The following BBS12 variants were observed in gnomAD, a reference collection of about 807,000 sequenced individuals.
BBS12 encodes the protein Bardet-Biedl syndrome 12.
In BBS12, 5 loss-of-function variants were observed where a neutral mutation model predicts 5.6. The observed-to-expected ratio is 0.89, with a 90% CI of 0.46 to 1.86. The LOEUF is 1.86. Among genes scored for constraint, BBS12 ranks in the 40% most tolerant of loss-of-function variants. The probability of loss-of-function intolerance (pLI) is 0.01; values close to 1 mark genes in which losing one functional copy is unlikely to be tolerated. For missense variants in BBS12, 748 were observed against 830.4 expected (o/e 0.90, Z 1.22); for synonymous variants, 308 against 306.8 (o/e 1.00, Z -0.04).
chr4:122,700,641 TA>T, the BBS12 span, among the ~76,000 whole-genome samples: 2 of 152,212 alleles, frequency 1.3e-5, no homozygotes, highest in Non-Finnish European at 2.9e-5. Context: ...GACAAGTTGG[TA>T]ACCGGTGCGC....
the BBS12 span, among the ~76,000 whole-genome samples, chr4:122,701,457 T>C: frequency 6.6e-6 from 1 of 152,184 alleles, no homozygotes; most frequent in East Asian, 1.9e-4. Flanking sequence ...CTACGTTTTA[T>C]ACATGCACAT....
intron 1 of BBS12, among the ~76,000 whole-genome samples, chr4:122,733,421 A>C (rs977814484): frequency 2.1e-5 from 3 of 139,834 alleles, no homozygotes; most frequent in Non-Finnish European, 4.6e-5. Flanking sequence ...ACACACACAC[A>C]CACATCCAGC....
rs750286057 is a variant in BBS12, at chr4:122,743,126, G to C, written c.1234G>C (p.Val412Leu). 6.2e-7 allele frequency: 1 copy of C among 1,614,234 alleles called. No individual in the cohort carries two copies. Among genetic ancestry groups the C allele is most frequent in the East Asian group, 2.2e-5 (1 of 44,888 alleles). Residue 412 changes from valine to leucine, a missense_variant, in exon 2 of 2, where the codon GTC becomes CTC. Coordinates refer to ENST00000314218, the MANE Select transcript of BBS12 (RefSeq NM_152618.3). Reference protein sequence around the residue: ...QVLIQFKVNLVLVQGNVSERL... With the variant: ...QVLIQFKVNLLLVQGNVSERL... ...GTTAATCCAGTTCAAGGTGAACCTT[G>C]TCCTGGTACAAGGAAATGTGTCCGA...
At chr4:122,740,780 A>G (rs982439313) in intron 1 of BBS12, among the ~76,000 whole-genome samples, 5 of 152,352 alleles carry the variant, frequency 3.3e-5, no homozygotes, top group African/African-American at 1.2e-4. Flanking sequence ...TATATCCAAA[A>G]CATTACAATT....
chr4:122,725,859 C>T, the BBS12 span, among the ~76,000 whole-genome samples: 1 of 134,906 alleles, frequency 7.4e-6, no homozygotes, highest in African/African-American at 2.8e-5. Context: ...GATCATGTCA[C>T]TGCACTCCAG....
the BBS12 span, among the ~76,000 whole-genome samples, chr4:122,717,665 G>C: frequency 6.6e-6 from 1 of 152,078 alleles, no homozygotes; most frequent in Non-Finnish European, 1.5e-5. Context: ...GAGTAGCTGG[G>C]ACCACAGCTG....
the BBS12 span, among the ~76,000 whole-genome samples, chr4:122,723,443 T>C: frequency 6.6e-6 from 1 of 152,250 alleles, no homozygotes; most frequent in African/African-American, 2.4e-5. Context: ...TTCGCTCCAT[T>C]TCCTTATATC....
At chr4:122,718,993 A>T in the BBS12 span, among the ~76,000 whole-genome samples, 2 of 151,744 alleles carry the variant, frequency 1.3e-5, no homozygotes, top group African/African-American at 2.4e-5. Context: ...CTAATTTTTT[A>T]TATTTTTCGT....
chr4:122,714,191 C>T, the BBS12 span, among the ~76,000 whole-genome samples: 7,022 of 152,170 alleles, frequency 0.046, 525 homozygotes, highest in African/African-American at 0.16. Flanking sequence ...CATTCTCTCT[C>T]TCTTTCTGCC....
Position 122,743,472 on chromosome 4 carries a change from A to G in BBS12, c.1580A>G (p.Tyr527Cys). The G allele has an allele frequency of 1.2e-6, 2 of 1,614,224 alleles. No individual in the cohort carries two copies. Among genetic ancestry groups the G allele is most frequent in the East Asian group, 2.2e-5 (1 of 44,884 alleles). The change falls in exon 2 of 2, where the codon TAT becomes TGT. Residue 527 changes from tyrosine to cysteine, a missense_variant. Coordinates refer to ENST00000314218, the MANE Select transcript of BBS12 (RefSeq NM_152618.3). ...TTCTGGACATGTGCCTATCGTTTGTATTATGCTCTAAAAGAGGAAAAGGTC... is the reference window on the plus strand; with the variant it reads ...TTCTGGACATGTGCCTATCGTTTGTGTTATGCTCTAAAAGAGGAAAAGGTC... ...DRFWTCAYRL[Y>C]YALKEEKVFL... is the part of the protein sequence containing the mutation.
chr4:122,722,048 A>G, the BBS12 span, among the ~76,000 whole-genome samples: 1 of 152,164 alleles, frequency 6.6e-6, no homozygotes, highest in Non-Finnish European at 1.5e-5. Context: ...TTCTCCTGGA[A>G]GCTTTATATT....
chr4:122,715,932 T>C, the BBS12 span, among the ~76,000 whole-genome samples: 6 of 152,230 alleles, frequency 3.9e-5, no homozygotes, highest in South Asian at 2.1e-4. Flanking sequence ...TTAACTCTTT[T>C]GTTAAGTGTG....
At chr4:122,708,586 A>G in the BBS12 span, among the ~76,000 whole-genome samples, 1 of 140,330 alleles carries the variant, frequency 7.1e-6, no homozygotes, top group African/African-American at 3.1e-5. Context: ...TTTATAAATC[A>G]TAGTAAAATT....
At chr4:122,736,302 T>C (rs1339958671) in intron 1 of BBS12, among the ~76,000 whole-genome samples, 2 of 152,158 alleles carry the variant, frequency 1.3e-5, no homozygotes, top group African/African-American at 4.8e-5. Flanking sequence ...TTTTCTGAGT[T>C]AGAGGTTTTT....
the BBS12 span, among the ~76,000 whole-genome samples, chr4:122,705,356 T>A: frequency 2.6e-5 from 4 of 152,138 alleles, no homozygotes; most frequent in African/African-American, 9.7e-5. Context: ...CGTGTAATCC[T>A]AGCACTTTGG....
In BBS12 at chr4:122,743,379, G is replaced by C. The variant is rs764246970; in HGVS notation, c.1487G>C (p.Gly496Ala). The C allele has an allele frequency of 6.2e-6, 10 of 1,614,132 alleles. No individual in the cohort carries two copies. The South Asian group carries it at 1.1e-4, about 18-fold the overall frequency. ...NRIAILLKTE[G>A]INLVTAVLTN... is the part of the protein sequence containing the mutation. ...ATCGCAATCTTATTAAAAACAGAAG[G>C]AATTAATTTGGTTACGGCCGTGCTC... The change falls in exon 2 of 2, where the codon GGA becomes GCA. Residue 496 changes from glycine (G) to alanine (A), a missense_variant. Physicochemically the swap from Gly to Ala is moderately conservative, Grantham distance 60. Transcript: ENST00000314218.
chr4:122,705,213 C>G, the BBS12 span, among the ~76,000 whole-genome samples: 1 of 152,162 alleles, frequency 6.6e-6, no homozygotes, highest in African/African-American at 2.4e-5. Context: ...GGGTGCTGCC[C>G]AGATAGCTCA....
In BBS12 at chr4:122,742,143, G is replaced by C; in HGVS notation, c.251G>C (p.Gly84Ala). 6.2e-7 allele frequency: 1 copy of C among 1,614,034 alleles called. No individual in the cohort carries two copies. The highest frequency in any genetic ancestry group is 1.3e-5 in the African/African-American group (1 of 75,038). ...VQAQNNTYRT[G>A]ISTLLFLVGA... is the part of the protein sequence containing the mutation. ...GCACAAAACAACACATATAGAACTG[G>C]AATCAGTACTCTTTTGTTTCTTGTT... The change falls in exon 2 of 2, where the codon GGA (glycine) becomes GCA (alanine). Residue 84 changes from glycine (G) to alanine (A), a missense_variant. By Grantham distance (60) the Gly-to-Ala change is moderately conservative (BLOSUM62 0). Coordinates refer to ENST00000314218, the MANE Select transcript of BBS12 (RefSeq NM_152618.3).
chr4:122,725,957 G>A, the BBS12 span, among the ~76,000 whole-genome samples: 1 of 146,292 alleles, frequency 6.8e-6, no homozygotes, highest in Non-Finnish European at 1.5e-5. Flanking sequence ...TAAAACCTGC[G>A]ACTATAAAAA....
Sources: allele counts gnomAD v4.1 joint callset (sites outside exome capture counted in the v4.1 genomes callset), GRCh38; gene constraint gnomAD v4.1.1; transcripts MANE v1.5; gene names NCBI Gene and HGNC (gene_info 2026-07-23, HGNC 2026-07-21).